Variants in RPS6KA6 observed in about 807,000 individuals in gnomAD.
RPS6KA6 encodes the protein ribosomal protein S6 kinase alpha-6.
In RPS6KA6, 27 loss-of-function variants were observed where a neutral mutation model predicts 65.4. The ratio of observed to expected loss-of-function variants is 0.41; its 90% CI spans 0.30 to 0.57. The LOEUF (loss-of-function observed/expected upper bound fraction) is 0.57, where lower values mean the gene tolerates loss of function less well. RPS6KA6 is among the 20% of genes least tolerant of loss of function. The pLI is 0.24. For missense variants in RPS6KA6, 486 were observed against 555.6 expected (o/e 0.87, Z 1.26); for synonymous variants, 190 against 184.2 (o/e 1.03, Z -0.26).
rs943851934 is a variant in RPS6KA6 at position 84,059,890 on chromosome X, T to C, written c.*4387A>G. The C allele has an allele frequency of 4.5e-5, 5 of 112,315 alleles. No homozygotes were observed. Among genetic ancestry groups the C allele is most frequent in the African/African-American group, 1.6e-4 (5 of 30,966 alleles). The allele number at this position is 112,315 out of a possible 1,213,427, so 9.3% of individuals were successfully genotyped here. ...AATTGAAACATACATAATTTGCCAA[T>C]ATAATGTAAGCTTGGATTTCCATAT... On this transcript the variant is annotated 3_prime_UTR_variant, in exon 22 of 22. Transcript: ENST00000262752.
chrX:84,147,364 C>T (rs931349860), intron 4 of RPS6KA6, among the ~76,000 whole-genome samples: 1 of 111,407 alleles, frequency 9.0e-6, no homozygotes, highest in Non-Finnish European at 1.9e-5. Context: ...TGGACTGCAG[C>T]GGCACAATCT....
At chrX:84,112,534 A>C (rs746551015) in intron 12 of RPS6KA6, among the ~76,000 whole-genome samples, 1 of 112,156 alleles carries the variant, frequency 8.9e-6, no homozygotes, top group South Asian at 3.7e-4. Flanking sequence ...AAAGCTACAC[A>C]AGTACATGGA....
intron 18 of RPS6KA6, 135 bp downstream of exon 18, chrX:84,101,902 T>C: frequency 2.1e-6 from 1 of 471,704 alleles, no homozygotes; most frequent in Non-Finnish European, 3.3e-6. Flanking sequence ...GAGAATTCCC[T>C]GATTTAAAGA....
At position 84,163,667 on chromosome X, in the gene RPS6KA6, AT is replaced by A. The variant is rs1332350777; in HGVS notation, c.141+660del. Among the ~76,000 whole-genome samples, 115 of 107,571 alleles carry A rather than the reference AT, an allele frequency of 1.1e-3. 1 individual carries two copies. Among genetic ancestry groups the A allele is most frequent in the Non-Finnish European group, 2.0e-3 (103 of 51,729 alleles). The allele number at this position is 107,571 out of a possible 115,157, so 93.4% of individuals were successfully genotyped here. ...TCTCAAAAAAAAAAAAAAAAAAAAA[AT>A]CTATAACTCTATGAAAATATCTATA... is the stretch of plus-strand genomic sequence containing the variant. On this transcript the variant is annotated intron_variant, in intron 2 of 21. Coordinates refer to ENST00000262752, the MANE Select transcript of RPS6KA6 (RefSeq NM_014496.5).
At position 84,134,907 on chromosome X, in the gene RPS6KA6, A is replaced by C. The variant is rs749196228; in HGVS notation, c.609-88T>G. 89 of 672,892 alleles carry C rather than the reference A, an allele frequency of 1.3e-4. No individual in the cohort carries two copies. The South Asian group carries it at 2.3e-3, about 17-fold the overall frequency. The allele number at this position is 672,892 out of a possible 1,213,427, so 55.5% of individuals were successfully genotyped here. A position where few individuals can be genotyped will look rare whatever the true frequency, so the allele number is the denominator to read the frequency against. On this transcript the variant is annotated intron_variant, in intron 7 of 21. Transcript: ENST00000262752. ...AAAAATCATAAAACTAAGATAGGTC[A>C]GTATCTATTTAATATATGTAAAAAA...
chrX:84,072,390 G>A (rs1445419783), intron 20 of RPS6KA6, among the ~76,000 whole-genome samples: 1 of 111,563 alleles, frequency 9.0e-6, no homozygotes, highest in Non-Finnish European at 1.9e-5. Context: ...ATTAGGTATA[G>A]AAGAAACATA....
chrX:84,148,079 G>C lies in RPS6KA6; in HGVS notation c.303C>G (p.Leu101=), dbSNP rs1346446371. Residue 101 remains leucine, a synonymous_variant, in exon 4 of 22, where the codon CTC becomes CTG. Transcript: ENST00000262752. ...RKKTGPDAGQ[L]YAMKVLKKAS... ...CTTTTTTTAACACCTTCATTGCATA[G>C]AGCTGCCCAGCATCAGGACCGGTCT... 2.5e-6 allele frequency: 3 copies of C among 1,180,687 alleles called. No homozygotes were observed. In the Admixed American group the frequency reaches 7.0e-5, roughly 28 times the overall value.
intron 20 of RPS6KA6, among the ~76,000 whole-genome samples, chrX:84,086,310 C>T (rs1007910245): frequency 4.5e-5 from 5 of 111,190 alleles, no homozygotes; most frequent in Non-Finnish European, 7.5e-5. Flanking sequence ...TATAAATTTC[C>T]CTCAACACTG....
chrX:84,187,866 C>T lies in RPS6KA6; in HGVS notation c.34G>A (p.Asp12Asn). 1 of 1,202,935 alleles carries T rather than the reference C, an allele frequency of 8.3e-7. No homozygotes were observed. Among genetic ancestry groups the T allele is most frequent in the East Asian group, 3.0e-5 (1 of 33,007 alleles). Residue 12 changes from aspartate (D) to asparagine (N), a missense_variant, in exon 1 of 22, where the codon GAC becomes AAC. By Grantham distance (23) the Asp-to-Asn change is conservative. Around this residue, in one of 3 missense-constraint regions of RPS6KA6, gnomAD observed 106 missense variants for 105.0 expected, o/e 1.01. Coordinates refer to ENST00000262752, the MANE Select transcript of RPS6KA6 (RefSeq NM_014496.5). ...LPFAPQDEPW[D>N]REMEVFSGGG... ...CCGCTGAACACTTCCATTTCTCGGT[C>T]CCAGGGCTCGTCCTGAGGAGCGAAT...
chrX:84,126,643 C>T (rs764826163), intron 8 of RPS6KA6, among the ~76,000 whole-genome samples: 31 of 111,626 alleles, frequency 2.8e-4, no homozygotes, highest in Non-Finnish European at 5.7e-4. Context: ...TAATATCAAG[C>T]ATCTTCTGTG....
chrX:84,174,270 T>C (rs1401542708), intron 1 of RPS6KA6, among the ~76,000 whole-genome samples: 1 of 111,896 alleles, frequency 8.9e-6, no homozygotes, highest in Non-Finnish European at 1.9e-5. Flanking sequence ...ACAACTACAA[T>C]ACTCATTTTA....
chrX:84,171,075 C>A (rs2035675836), intron 1 of RPS6KA6, among the ~76,000 whole-genome samples: 1 of 111,273 alleles, frequency 9.0e-6, no homozygotes, highest in Non-Finnish European at 1.9e-5. Context: ...CCTGCAACCA[C>A]AAGGAAAGGA....
At position 84,187,925 on chromosome X, in the gene RPS6KA6, G is replaced by A; in HGVS notation, c.-26C>T. Reference sequence around the variant, plus strand: ...CTCCCCTTCAGGAGCACTCAAACAGGAGCTGCCGCCTACCGCTGGCGCGGC... The same window carrying A: ...CTCCCCTTCAGGAGCACTCAAACAGAAGCTGCCGCCTACCGCTGGCGCGGC... On this transcript the variant is annotated 5_prime_UTR_variant, in exon 1 of 22. Transcript: ENST00000262752. 8.7e-7 allele frequency: 1 copy of A among 1,153,285 alleles called. No homozygotes were observed. Among genetic ancestry groups the A allele is most frequent in the South Asian group, 1.9e-5 (1 of 51,941 alleles).
At chrX:84,135,249 C>A (rs1432974309) in intron 6 of RPS6KA6, 39 bp from the exon 7 acceptor site, 2 of 911,006 alleles carry the variant, frequency 2.2e-6, no homozygotes, top group Admixed American at 5.0e-5. Flanking sequence ...ATCTTTCTTT[C>A]AATATTCAGT....
At chrX:84,117,713 C>T (rs762426443) in intron 9 of RPS6KA6, among the ~76,000 whole-genome samples, 22 of 111,396 alleles carry the variant, frequency 2.0e-4, no homozygotes, top group Admixed American at 1.5e-3. Flanking sequence ...AGTTCTAATT[C>T]GGCTATGTTC....
At chrX:84,120,422 G>A (rs6622920) in intron 8 of RPS6KA6, among the ~76,000 whole-genome samples, 5,700 of 111,227 alleles carry the variant, frequency 0.051, 199 homozygotes, top group East Asian at 0.2. Context: ...GCTTTGGTGA[G>A]CTTCCATTTT....
rs2033263651 is a variant in RPS6KA6, at chrX:84,059,303, G to C, written c.*4974C>G. On this transcript the variant is annotated 3_prime_UTR_variant, in exon 22 of 22. Transcript: ENST00000262752. Reference sequence around the variant, plus strand: ...TGCGCCACCACACCTGGCTAACTTTGTATTTTTAGTAGAGACGGGTTTCTC... The same window carrying C: ...TGCGCCACCACACCTGGCTAACTTTCTATTTTTAGTAGAGACGGGTTTCTC... 1 of 107,304 alleles carries C rather than the reference G, an allele frequency of 9.3e-6. No individual in the cohort carries two copies. Among genetic ancestry groups the C allele is most frequent in the South Asian group, 4.1e-4 (1 of 2,417 alleles). The allele number at this position is 107,304 out of a possible 1,213,427, so 8.8% of individuals were successfully genotyped here.
intron 10 of RPS6KA6, 26 bp from the exon 11 acceptor site, chrX:84,117,174 T>G (rs764170346): frequency 1.8e-6 from 2 of 1,084,067 alleles, no homozygotes; most frequent in Non-Finnish European, 1.3e-6. Context: ...TTAGAAAGTT[T>G]CACTTAAATT....
intron 8 of RPS6KA6, among the ~76,000 whole-genome samples, chrX:84,120,782 A>T (rs777294156): frequency 8.9e-6 from 1 of 111,809 alleles, no homozygotes; most frequent in Admixed American, 9.5e-5. Flanking sequence ...TCCCAGCAAA[A>T]TTTCTTTTGT....
Sources: allele counts gnomAD v4.1 joint callset (sites outside exome capture counted in the v4.1 genomes callset), GRCh38; gene constraint gnomAD v4.1.1; regional missense constraint gnomAD v4.1.1; transcripts MANE v1.5; gene names NCBI Gene and HGNC (gene_info 2026-07-23, HGNC 2026-07-21).